The following PEPD variants were observed in gnomAD, a reference collection of about 807,000 sequenced individuals.
The protein encoded by PEPD is xaa-Pro dipeptidase.
In PEPD, 53 loss-of-function variants were observed where a neutral mutation model predicts 60.7. The observed-to-expected ratio is 0.87, with a 90% CI of 0.70 to 1.10. PEPD has a LOEUF of 1.10. Ranked by LOEUF, PEPD falls within the 50% of genes least tolerant of loss-of-function variation. The probability of loss-of-function intolerance (pLI) is 0.00; values close to 1 mark genes in which losing one functional copy is unlikely to be tolerated. For synonymous variants in PEPD, 267 were observed against 284.1 expected, an observed-to-expected ratio of 0.94 and a Z score of 0.60; for missense variants, 711 against 711.9, an observed-to-expected ratio of 1.00 and a Z score of 0.01.
intron 12 of PEPD, 126 bp downstream of exon 12, chr19:33,401,590 AGGGAC>A: frequency 2.3e-6 from 2 of 872,828 alleles, no homozygotes; most frequent in Non-Finnish European, 3.7e-6. Flanking sequence ...CTGGAATCTC[AGGGAC>A]TAAGCATCTG....
Position 33,437,635 on chromosome 19 carries a change from C to T in PEPD, c.672-23992G>A, listed in dbSNP as rs750282543. On this transcript the variant is annotated intron_variant, in intron 9 of 14. Transcript: ENST00000244137. ...TGTCACAATCGTTTAGATCATGATG[C>T]GTTTGATGTTTTATAGCAAGATGAC... is the stretch of plus-strand genomic sequence containing the variant. 3.9e-5 allele frequency among the ~76,000 whole-genome samples: 6 copies of T among 152,156 alleles called. No individual in the cohort carries two copies. The South Asian group carries it at 8.3e-4, about 21-fold the overall frequency.
chr19:33,460,386 G>A (rs1969904175), intron 9 of PEPD, among the ~76,000 whole-genome samples: 1 of 152,122 alleles, frequency 6.6e-6, no homozygotes, highest in Admixed American at 6.5e-5. Flanking sequence ...CCACCTCCCT[G>A]GCTGCAGATG....
chr19:33,404,326 A>T (rs1568453655), intron 11 of PEPD, among the ~76,000 whole-genome samples: 1 of 152,204 alleles, frequency 6.6e-6, no homozygotes, highest in East Asian at 1.9e-4. Flanking sequence ...GGACAGGGCC[A>T]GGAGTATGGG....
chr19:33,433,272 T>C (rs1264756146), intron 9 of PEPD, among the ~76,000 whole-genome samples: 1 of 152,140 alleles, frequency 6.6e-6, no homozygotes, highest in Non-Finnish European at 1.5e-5. Flanking sequence ...TCTCCTCTCT[T>C]TCAGTGTGAG....
rs1343296636 is a variant in PEPD, at chr19:33,521,742, A to G, written c.17+2T>C. 1.3e-6 allele frequency: 2 copies of G among 1,573,260 alleles called. No individual in the cohort carries two copies. The highest frequency in any genetic ancestry group is 1.7e-6 in the Non-Finnish European group (2 of 1,165,014). On this transcript the variant is annotated splice_donor_variant, in intron 1 of 14. Coordinates refer to ENST00000244137, the MANE Select transcript of PEPD (RefSeq NM_000285.4). LOFTEE classifies it high-confidence loss of function. The stretch of plus-strand genomic sequence containing the variant: ...AAAGAGCGAGGGAGGCGCAGCACTC[A>G]CCCGGTGGCCGCCGCCATGTTCGCC...
At chr19:33,503,618 C>T (rs762334057) in intron 3 of PEPD, among the ~76,000 whole-genome samples, 18 of 152,130 alleles carry the variant, frequency 1.2e-4, no homozygotes, top group South Asian at 2.1e-4. Flanking sequence ...CCCCACAGCC[C>T]GGCACAAAAG....
Position 33,506,249 on chromosome 19 carries a change from C to G in PEPD, c.329+4779G>C, listed in dbSNP as rs867567745. On this transcript the variant is annotated intron_variant, in intron 3 of 14. Transcript: ENST00000244137. ...ACACACCCACACACAAGACAGCACA[C>G]TCACACCCACTACACCCCATCACAA... 4.1e-4 allele frequency among the ~76,000 whole-genome samples: 61 copies of G among 148,602 alleles called. 1 individual carries two copies. The highest frequency in any genetic ancestry group is 1.4e-3 in the African/African-American group (56 of 40,074).
intron 12 of PEPD, among the ~76,000 whole-genome samples, chr19:33,393,083 C>CG (rs1968264347): frequency 6.6e-6 from 1 of 151,712 alleles, no homozygotes. Flanking sequence ...CCCCACCCCC[C>CG]ACACAGAGCA....
chr19:33,482,262 C>G (rs888969815), intron 6 of PEPD, among the ~76,000 whole-genome samples: 4 of 152,026 alleles, frequency 2.6e-5, no homozygotes, highest in African/African-American at 9.7e-5. Context: ...GGATTTTTTC[C>G]CAGGAATACA....
intron 12 of PEPD, among the ~76,000 whole-genome samples, chr19:33,399,617 G>A (rs1227215743): frequency 1.3e-5 from 2 of 151,884 alleles, no homozygotes; most frequent in South Asian, 2.1e-4. Flanking sequence ...CTCTGAAAGC[G>A]ACGGTGGCTG....
rs1416895559 is a variant in PEPD, at chr19:33,408,121, AG to A, written c.818+3550del. Among the ~76,000 whole-genome samples the A allele has an allele frequency of 3.3e-5, 5 of 152,194 alleles. No individual in the cohort carries two copies. The South Asian group carries it at 1.0e-3, about 32-fold the overall frequency. ...GGAAGGGTAAGGACGGAGCAGTAGG[AG>A]GGGGGCCTAGCCAGCCCCAAACCCC... On this transcript the variant is annotated intron_variant, in intron 11 of 14. Transcript: ENST00000244137.
chr19:33,494,564 A>G (rs1970563668), intron 4 of PEPD, among the ~76,000 whole-genome samples: 1 of 152,260 alleles, frequency 6.6e-6, no homozygotes, highest in Non-Finnish European at 1.5e-5. Context: ...ATGAAATTAC[A>G]TGCTTCACTT....
intron 9 of PEPD, among the ~76,000 whole-genome samples, chr19:33,418,717 G>A (rs574511154): frequency 1.2e-3 from 178 of 152,296 alleles, no homozygotes; most frequent in African/African-American, 3.9e-3. Context: ...CTGGGACTTG[G>A]CAGTGAACTG....
intron 6 of PEPD, among the ~76,000 whole-genome samples, chr19:33,488,610 G>A (rs1970439723): frequency 6.6e-6 from 1 of 152,152 alleles, no homozygotes; most frequent in Non-Finnish European, 1.5e-5. Context: ...CCAGGCGTGG[G>A]AGGCGGGGCC....
intron 4 of PEPD, among the ~76,000 whole-genome samples, chr19:33,498,007 A>G (rs980954332): frequency 1.3e-5 from 2 of 151,914 alleles, no homozygotes; most frequent in Non-Finnish European, 2.9e-5. Flanking sequence ...CCTCAGCCTC[A>G]TATCTATGAA....
At chr19:33,507,503 GT>G (rs1970835794) in intron 3 of PEPD, among the ~76,000 whole-genome samples, 1 of 152,168 alleles carries the variant, frequency 6.6e-6, no homozygotes, top group Admixed American at 6.5e-5. Flanking sequence ...CAGCAAGACC[GT>G]TTCCACAGGA....
chr19:33,444,963 C>T (rs549492377), intron 9 of PEPD, among the ~76,000 whole-genome samples: 36 of 152,314 alleles, frequency 2.4e-4, no homozygotes, highest in African/African-American at 7.5e-4. Flanking sequence ...TGTGTCCAGG[C>T]TGAGGCCAGC....
intron 9 of PEPD, among the ~76,000 whole-genome samples, chr19:33,439,966 C>T (rs1036602004): frequency 1.3e-5 from 2 of 152,174 alleles, no homozygotes; most frequent in African/African-American, 4.8e-5. Context: ...GATCTCCCTG[C>T]CGTGGACTAC....
At chr19:33,457,205 C>T (rs1323778875) in intron 9 of PEPD, among the ~76,000 whole-genome samples, 1 of 151,886 alleles carries the variant, frequency 6.6e-6, no homozygotes, top group African/African-American at 2.4e-5. Context: ...ACCAAGGCAG[C>T]AGGAATGCTA....
Sources: gnomAD v4.1 joint callset for allele counts (sites outside exome capture counted in the v4.1 genomes callset) on GRCh38, gnomAD v4.1.1 for gene constraint, MANE v1.5 for transcripts, NCBI Gene and HGNC (gene_info 2026-07-23, HGNC 2026-07-21) for gene names.